AUTS2: variants seen among roughly 807,000 people sequenced by gnomAD.
AUTS2 encodes autism susceptibility gene 2 protein.
AUTS2 carries 17 observed loss-of-function variants against 112.4 expected under a neutral mutation model. The observed-to-expected ratio is 0.15, with a 90% CI of 0.10 to 0.23. The LOEUF (loss-of-function observed/expected upper bound fraction) is 0.23. AUTS2 is among the 10% of genes least tolerant of loss of function. The pLI is 1.00. For missense variants in AUTS2, 1,510 were observed against 1,701.6 expected, an observed-to-expected ratio of 0.89 and a Z score of 1.98; for synonymous variants, 751 against 702.7, an observed-to-expected ratio of 1.07 and a Z score of -1.09.
At chr7:69,941,103 G>A (rs1243830594) in intron 2 of AUTS2, among the ~76,000 whole-genome samples, 2 of 152,296 alleles carry the variant, frequency 1.3e-5, no homozygotes, top group East Asian at 1.9e-4. Context: ...CACATTTGTT[G>A]TAGAGGGTTA....
intron 4 of AUTS2, among the ~76,000 whole-genome samples, chr7:70,376,979 A>G (rs1017617149): frequency 6.6e-6 from 1 of 151,722 alleles, no homozygotes. Flanking sequence ...TATGTAAGTT[A>G]TGGCTAATGT....
In AUTS2 at chr7:70,789,926, C is replaced by G. The variant is rs1377728531; in HGVS notation, c.2710C>G (p.Leu904Val). 1 of 1,614,064 alleles carries G rather than the reference C, an allele frequency of 6.2e-7. No homozygotes were observed. Among genetic ancestry groups the G allele is most frequent in the Admixed American group, 1.7e-5 (1 of 60,022 alleles). ...ERDHSESRKDLAADEHKAKEG... is the reference protein window; with the variant it reads ...ERDHSESRKDVAADEHKAKEG... ...AGACCACTCGGAATCCCGCAAGGAC[C>G]TGGCCGCCGACGAGCACAAGGCGAA... The change falls in exon 19 of 19, where the codon CTG (leucine) becomes GTG (valine). Residue 904 changes from leucine to valine, a missense_variant. By Grantham distance (32) the Leu-to-Val change is conservative (BLOSUM62 1). This residue lies in a region of AUTS2 where 788 missense variants were observed against 797.6 expected (regional missense o/e 0.99). Coordinates refer to ENST00000342771, the MANE Select transcript of AUTS2 (RefSeq NM_015570.4).
intron 4 of AUTS2, among the ~76,000 whole-genome samples, chr7:70,165,673 ACT>A (rs1808344020): frequency 6.6e-6 from 1 of 152,090 alleles, no homozygotes; most frequent in African/African-American, 2.4e-5. Context: ...CAGTAGGAAA[ACT>A]CTTCAGATAG....
intron 1 of AUTS2, among the ~76,000 whole-genome samples, chr7:69,721,434 T>C (rs892497254): frequency 1.3e-5 from 2 of 152,210 alleles, no homozygotes; most frequent in African/African-American, 4.8e-5. Context: ...ACCTCACACA[T>C]GGTTGTTTAA....
chr7:69,864,282 C>A (rs928116857), intron 1 of AUTS2, among the ~76,000 whole-genome samples: 11 of 152,110 alleles, frequency 7.2e-5, no homozygotes, highest in African/African-American at 2.7e-4. Flanking sequence ...TTTCCCCCTA[C>A]GGTGCAGCCA....
Position 70,449,326 on chromosome 7 carries a change from T to C in AUTS2, c.690+13545T>C, listed in dbSNP as rs368099624. On this transcript the variant is annotated intron_variant, in intron 5 of 18. Transcript: ENST00000342771. ...GACTGTCTCTCCTTTTCCACTGCCA[T>C]TGCTAAGATCCAAGGGAGAGATTCT... Among the ~76,000 whole-genome samples the C allele has an allele frequency of 7.9e-5, 12 of 152,362 alleles. No homozygotes were observed. In the East Asian group the frequency reaches 1.9e-3, roughly 24 times the overall value.
At chr7:70,277,563 C>T (rs971529189) in intron 4 of AUTS2, among the ~76,000 whole-genome samples, 18 of 152,146 alleles carry the variant, frequency 1.2e-4, no homozygotes, top group Non-Finnish European at 7.3e-5. Flanking sequence ...ACAGCATGGT[C>T]ACATCATTGC....
At chr7:69,953,719 T>G (rs937206595) in intron 2 of AUTS2, among the ~76,000 whole-genome samples, 2 of 152,194 alleles carry the variant, frequency 1.3e-5, no homozygotes, top group African/African-American at 4.8e-5. Context: ...TGTAGAAATT[T>G]CTTCATAGAA....
At chr7:70,248,264 AC>A (rs1314671262) in intron 4 of AUTS2, among the ~76,000 whole-genome samples, 2 of 150,550 alleles carry the variant, frequency 1.3e-5, no homozygotes, top group Non-Finnish European at 3.0e-5. Context: ...ACCCACTACC[AC>A]GCCCAGCTAA....
At chr7:70,145,216 C>T (rs891997891) in intron 4 of AUTS2, among the ~76,000 whole-genome samples, 1 of 151,978 alleles carries the variant, frequency 6.6e-6, no homozygotes, top group Non-Finnish European at 1.5e-5. Flanking sequence ...GACATTGTTC[C>T]TCTGTTTTGG....
At chr7:69,775,900 T>A (rs1223115437) in intron 1 of AUTS2, among the ~76,000 whole-genome samples, 1 of 152,170 alleles carries the variant, frequency 6.6e-6, no homozygotes, top group Non-Finnish European at 1.5e-5. Context: ...TTTCTCTGCT[T>A]TTAAATAATA....
At chr7:69,770,864 A>G (rs897389819) in intron 1 of AUTS2, among the ~76,000 whole-genome samples, 1 of 152,164 alleles carries the variant, frequency 6.6e-6, no homozygotes, top group Non-Finnish European at 1.5e-5. Context: ...AAGGATAAAT[A>G]TAAAACCGAT....
intron 1 of AUTS2, among the ~76,000 whole-genome samples, chr7:69,652,770 C>A (rs1385719646): frequency 6.6e-6 from 1 of 152,032 alleles, no homozygotes; most frequent in Non-Finnish European, 1.5e-5. Context: ...TGAAAGTATG[C>A]TTACTACATC....
intron 2 of AUTS2, among the ~76,000 whole-genome samples, chr7:70,024,078 G>T (rs752028317): frequency 6.6e-6 from 1 of 152,178 alleles, no homozygotes; most frequent in Non-Finnish European, 1.5e-5. Context: ...GGTTACAAGG[G>T]TGTCATAGAA....
intron 4 of AUTS2, among the ~76,000 whole-genome samples, chr7:70,263,371 A>G (rs1787260190): frequency 6.6e-6 from 1 of 152,166 alleles, no homozygotes; most frequent in South Asian, 2.1e-4. Flanking sequence ...TAGAAACATG[A>G]TATTGGTATT....
chr7:70,395,523 T>C (rs1282566234), intron 4 of AUTS2, among the ~76,000 whole-genome samples: 2 of 152,216 alleles, frequency 1.3e-5, no homozygotes, highest in African/African-American at 4.8e-5. Context: ...AGGAAGGAAA[T>C]AAATGAATTT....
chr7:69,814,221 A>G (rs1790663084), intron 1 of AUTS2, among the ~76,000 whole-genome samples: 1 of 152,232 alleles, frequency 6.6e-6, no homozygotes, highest in Non-Finnish European at 1.5e-5. Flanking sequence ...TACCTTGTAA[A>G]TAGTATACAC....
intron 4 of AUTS2, among the ~76,000 whole-genome samples, chr7:70,161,570 T>G (rs759397437): frequency 6.7e-6 from 1 of 149,764 alleles, no homozygotes; most frequent in African/African-American, 2.5e-5. Flanking sequence ...ATTCTTACAC[T>G]TGGCAACTAG....
intron 1 of AUTS2, among the ~76,000 whole-genome samples, chr7:69,850,023 G>A (rs1239660317): frequency 4.6e-5 from 7 of 151,932 alleles, no homozygotes; most frequent in African/African-American, 1.7e-4. Flanking sequence ...GGCTGGGCGC[G>A]GTGGCTCACA....
Sources: allele counts gnomAD v4.1 joint callset (sites outside exome capture counted in the v4.1 genomes callset), GRCh38; gene constraint gnomAD v4.1.1; regional missense constraint gnomAD v4.1.1; transcripts MANE v1.5; gene names NCBI Gene and HGNC (gene_info 2026-07-23, HGNC 2026-07-21).